Variants in SHANK2 observed in about 807,000 individuals in gnomAD.
SHANK2 encodes the protein SH3 and multiple ankyrin repeat domains protein 2.
Under a neutral mutation model 133.7 loss-of-function variants are expected in SHANK2, and 43 were observed. That is an observed-to-expected ratio of 0.32 (90% confidence interval 0.25 to 0.41). SHANK2 has a LOEUF of 0.41. Among genes scored for constraint, SHANK2 ranks in the 10% least tolerant of loss-of-function variants. SHANK2 has a pLI of 1.00. For synonymous variants in SHANK2, 1,017 were observed against 952.8 expected, an observed-to-expected ratio of 1.07 and a Z score of -1.24; for missense variants, 1,994 against 2,235.8, an observed-to-expected ratio of 0.89 and a Z score of 2.18.
intron 17 of SHANK2, chr11:70,633,690 C>T (rs1173347793): frequency 6.6e-6 from 1 of 152,212 alleles, no homozygotes; most frequent in East Asian, 1.9e-4. Flanking sequence ...GGGCCCACCC[C>T]AGAGAGAGGC....
intron 21 of SHANK2, among the ~76,000 whole-genome samples, chr11:70,494,812 T>TC (rs1200464646): frequency 4.6e-5 from 7 of 151,692 alleles, no homozygotes; most frequent in African/African-American, 1.2e-4. Flanking sequence ...CAGCCAAATC[T>TC]CCCCCCACAG....
intron 6 of SHANK2, among the ~76,000 whole-genome samples, chr11:71,102,895 T>C (rs1352422794): frequency 6.6e-6 from 1 of 152,228 alleles, no homozygotes; most frequent in Non-Finnish European, 1.5e-5. Flanking sequence ...GTGACAGACA[T>C]GCATTGCTCA....
intron 10 of SHANK2, chr11:70,911,160 C>T (rs782138361): frequency 2.2e-6 from 1 of 456,708 alleles, no homozygotes; most frequent in South Asian, 1.5e-5. Flanking sequence ...GCTAAAAGTA[C>T]ATGCCACGAA....
At chr11:70,620,849 G>A (rs534414416) in intron 17 of SHANK2, among the ~76,000 whole-genome samples, 2 of 152,266 alleles carry the variant, frequency 1.3e-5, no homozygotes, top group East Asian at 1.9e-4. Flanking sequence ...AGCAGGAAGC[G>A]ACCCCTCACC....
chr11:71,086,263 TATTATA>T (rs1951412634), intron 8 of SHANK2, among the ~76,000 whole-genome samples: 2 of 38,442 alleles, frequency 5.2e-5, no homozygotes. Flanking sequence ...ATATGTTATA[TATTATA>T]TATGTTATAT....
intron 3 of SHANK2, among the ~76,000 whole-genome samples, chr11:71,143,752 G>A (rs1480477061): frequency 7.9e-5 from 12 of 151,944 alleles, no homozygotes; most frequent in Non-Finnish European, 1.5e-4. Flanking sequence ...AGTAAATATG[G>A]CATCTTTAAA....
At chr11:70,664,041 TA>T (rs1302320006) in intron 15 of SHANK2, among the ~76,000 whole-genome samples, 1 of 152,154 alleles carries the variant, frequency 6.6e-6, no homozygotes, top group African/African-American at 2.4e-5. Flanking sequence ...CGGCTGCCAT[TA>T]ACCTCCAGCA....
intron 11 of SHANK2, among the ~76,000 whole-genome samples, chr11:70,887,146 C>A (rs1000968): frequency 0.7 from 106,165 of 152,058 alleles, 42,631 homozygotes; most frequent in Non-Finnish European, 0.88. Flanking sequence ...GCGGGCTCCC[C>A]GGCACCCGGA....
rs181933672 is a variant in SHANK2 at position 71,211,833 on chromosome 11, T to G, written c.-13+12864A>C. Among the ~76,000 whole-genome samples, 6 of 152,242 alleles carry G rather than the reference T, an allele frequency of 3.9e-5. No individual in the cohort carries two copies. The East Asian group carries it at 1.2e-3, about 29-fold the overall frequency. On this transcript the variant is annotated intron_variant, in intron 2 of 25. Coordinates refer to ENST00000601538, the MANE Select transcript of SHANK2 (RefSeq NM_012309.5). ...ATTCTCTTTCATTCTTTTTTTCACT[T>G]CTTTTGAGAAAAGCTTTGCAGTTGT...
At position 70,473,263 on chromosome 11, in the gene SHANK2, T is replaced by G. The variant is rs782685686; in HGVS notation, c.5156A>C (p.Lys1719Thr). 1.2e-5 allele frequency: 19 copies of G among 1,611,612 alleles called. No homozygotes were observed. In the Admixed American group the frequency reaches 2.5e-4, roughly 21 times the overall value. ...AGACAGGGGGGCGGGCAGGGTCTCT[T>G]TGTTCATCTCTGTTGGCGAGACCAC... ...SPVVSPTEMN[K>T]ETLPAPLSAA... The change falls in exon 26 of 26, where the codon AAA (lysine) becomes ACA (threonine). Residue 1719 changes from lysine (K) to threonine (T), a missense_variant. Physicochemically the swap from Lys to Thr is moderately conservative, Grantham distance 78. Transcript: ENST00000601538. The surrounding 1 kb of genome is among the most constrained non-coding windows in gnomAD (Gnocchi z 5.9).
intron 14 of SHANK2, among the ~76,000 whole-genome samples, chr11:70,769,219 C>A (rs1393260049): frequency 1.3e-5 from 2 of 152,174 alleles, no homozygotes; most frequent in African/African-American, 2.4e-5. Context: ...GGAGCGAGTG[C>A]AGCCCATCAT....
intron 17 of SHANK2, among the ~76,000 whole-genome samples, chr11:70,530,827 C>T (rs957428149): frequency 3.3e-5 from 5 of 151,956 alleles, no homozygotes; most frequent in African/African-American, 7.3e-5. Context: ...ATAGTGGTGA[C>T]GATTGCACAA....
At chr11:71,144,174 T>C (rs1952603518) in intron 3 of SHANK2, among the ~76,000 whole-genome samples, 1 of 151,730 alleles carries the variant, frequency 6.6e-6, no homozygotes, top group South Asian at 2.1e-4. Context: ...CAAGTCACTG[T>C]CCACACCCAA....
At position 70,871,557 on chromosome 11, in the gene SHANK2, C is replaced by T. The variant is rs553057704; in HGVS notation, c.1174+24944G>A. Among the ~76,000 whole-genome samples the T allele has an allele frequency of 1.3e-4, 20 of 152,272 alleles. No individual in the cohort carries two copies. In the South Asian group the frequency reaches 3.1e-3, roughly 24 times the overall value. On this transcript the variant is annotated intron_variant, in intron 11 of 25. Coordinates refer to ENST00000601538, the MANE Select transcript of SHANK2 (RefSeq NM_012309.5). Reference sequence around the variant, plus strand: ...GGGAGAGGCTGTGCCTGGGACCCTGCGGATTCCCCAACACATTTGCTGAAC... The same window carrying T: ...GGGAGAGGCTGTGCCTGGGACCCTGTGGATTCCCCAACACATTTGCTGAAC...
intron 17 of SHANK2, among the ~76,000 whole-genome samples, chr11:70,518,755 A>G (rs917534869): frequency 1.3e-5 from 2 of 152,166 alleles, no homozygotes; most frequent in South Asian, 4.1e-4. Flanking sequence ...CGGTGGGTCA[A>G]GCACCCTCAG....
At chr11:70,917,265 T>C (rs549217043) in intron 10 of SHANK2, among the ~76,000 whole-genome samples, 1 of 151,998 alleles carries the variant, frequency 6.6e-6, no homozygotes, top group Non-Finnish European at 1.5e-5. Flanking sequence ...GAAAAAAAGC[T>C]CAACATCACT....
chr11:71,096,636 A>G (rs1016780586), intron 6 of SHANK2, among the ~76,000 whole-genome samples: 3 of 152,180 alleles, frequency 2.0e-5, no homozygotes, highest in Admixed American at 2.0e-4. Context: ...AGCCACCAAT[A>G]TCGACGCTGA....
At chr11:70,582,949 T>G (rs1591609601) in intron 17 of SHANK2, among the ~76,000 whole-genome samples, 1 of 152,098 alleles carries the variant, frequency 6.6e-6, no homozygotes, top group South Asian at 2.1e-4. Flanking sequence ...ACTGGCAGGG[T>G]CTGCTGTGCA....
intron 2 of SHANK2, among the ~76,000 whole-genome samples, chr11:71,210,744 G>C (rs1954257686): frequency 6.6e-6 from 1 of 152,062 alleles, no homozygotes; most frequent in Non-Finnish European, 1.5e-5. Context: ...TCTGCTGAAG[G>C]AACTGGGGAC....
Sources: allele counts gnomAD v4.1 joint callset (sites outside exome capture counted in the v4.1 genomes callset), GRCh38; gene constraint gnomAD v4.1.1; non-coding constraint Gnocchi (gnomAD v3.1); transcripts MANE v1.5; gene names NCBI Gene and HGNC (gene_info 2026-07-23, HGNC 2026-07-21).